The following ADK variants were observed in gnomAD, a reference collection of about 807,000 sequenced individuals.
ADK encodes N6,N6-dimethyladenosine kinase.
ADK carries 24 observed loss-of-function variants against 44.7 expected under a neutral mutation model. The observed-to-expected ratio is 0.54, with a 90% CI of 0.39 to 0.76. The LOEUF is 0.76. Among genes scored for constraint, ADK ranks in the 30% least tolerant of loss-of-function variants. The pLI is 0.00. For synonymous variants in ADK, 128 were observed against 142.6 expected, an observed-to-expected ratio of 0.90 and a Z score of 0.73; for missense variants, 321 against 425.1, an observed-to-expected ratio of 0.76 and a Z score of 2.15.
chr10:74,340,500 G>A (rs1272156975), intron 4 of ADK, among the ~76,000 whole-genome samples: 2 of 152,066 alleles, frequency 1.3e-5, no homozygotes, highest in Non-Finnish European at 2.9e-5. Context: ...TAAGCAAGTA[G>A]AAATTAAAAT....
intron 3 of ADK, among the ~76,000 whole-genome samples, chr10:74,265,711 C>G (rs1402893468): frequency 6.6e-6 from 1 of 152,092 alleles, no homozygotes; most frequent in Non-Finnish European, 1.5e-5. Flanking sequence ...CATTTGTTTT[C>G]TTTTGAGATA....
At chr10:74,623,471 G>C (rs577367084) in intron 9 of ADK, among the ~76,000 whole-genome samples, 1 of 151,980 alleles carries the variant, frequency 6.6e-6, no homozygotes, top group African/African-American at 2.4e-5. Flanking sequence ...GTCCATATAT[G>C]ATCTAGTCCG....
intron 3 of ADK, among the ~76,000 whole-genome samples, chr10:74,309,512 A>T (rs1840365054): frequency 6.6e-6 from 1 of 152,200 alleles, no homozygotes; most frequent in African/African-American, 2.4e-5. Context: ...CTGTACCTTC[A>T]GAATTGCTAG....
At chr10:74,184,453 C>T (rs966528193) in intron 1 of ADK, among the ~76,000 whole-genome samples, 10 of 151,972 alleles carry the variant, frequency 6.6e-5, no homozygotes, top group Non-Finnish European at 1.3e-4. Context: ...CCTCAGCCCT[C>T]CAGAGAGGCT....
At position 74,228,328 on chromosome 10, in the gene ADK, G is replaced by T. The variant is rs140504307; in HGVS notation, c.194+3737G>T. 5.2e-3 allele frequency among the ~76,000 whole-genome samples: 786 copies of T among 152,282 alleles called. 24 individuals carry two copies. The highest frequency in any genetic ancestry group is 1.1e-3 in the Non-Finnish European group (75 of 68,012). On this transcript the variant is annotated intron_variant, in intron 3 of 10. Transcript: ENST00000539909. ...TGGGGGATGATTTTAAGTAGAGAAA[G>T]CTGAGCAATTCAAGTTGTGATGTGA...
intron 4 of ADK, among the ~76,000 whole-genome samples, chr10:74,386,484 T>C (rs1359090241): frequency 1.3e-5 from 2 of 152,214 alleles, no homozygotes; most frequent in East Asian, 1.9e-4. Context: ...TCTTTCCATA[T>C]GTTGTTAAAG....
chr10:74,605,778 C>T (rs1852303383), intron 9 of ADK, among the ~76,000 whole-genome samples: 1 of 152,070 alleles, frequency 6.6e-6, no homozygotes, highest in African/African-American at 2.4e-5. Context: ...GAGAGGAGTC[C>T]CTCTTTTTCT....
intron 2 of ADK, among the ~76,000 whole-genome samples, chr10:74,211,599 T>G (rs1843814028): frequency 6.6e-6 from 1 of 152,172 alleles, no homozygotes; most frequent in Non-Finnish European, 1.5e-5. Context: ...CTGGGGTCAG[T>G]ATCTTTGCAG....
intron 6 of ADK, among the ~76,000 whole-genome samples, chr10:74,484,846 A>G (rs1847209073): frequency 6.7e-6 from 1 of 148,176 alleles, no homozygotes; most frequent in Non-Finnish European, 1.5e-5. Context: ...TTCATAACAA[A>G]AAAGTGAAAT....
At chr10:74,203,633 C>T (rs1011012152) in intron 2 of ADK, among the ~76,000 whole-genome samples, 1 of 152,058 alleles carries the variant, frequency 6.6e-6, no homozygotes, top group Admixed American at 6.6e-5. Flanking sequence ...CCTTGGCCTC[C>T]CAAAGTGCTG....
At chr10:74,217,556 C>T (rs1186356971) in intron 2 of ADK, among the ~76,000 whole-genome samples, 5 of 152,202 alleles carry the variant, frequency 3.3e-5, no homozygotes, top group Admixed American at 2.6e-4. Flanking sequence ...TGAGAACGGG[C>T]AGACTGCCTC....
Position 74,680,608 on chromosome 10 carries a change from T to C in ADK, c.964+10339T>C, listed in dbSNP as rs1438109162. Reference sequence around the variant, plus strand: ...AAATAAAATCACATGTGTGTAGCACTGATGCAGAGCCTAGCCAACCTTAGT... The same window carrying C: ...AAATAAAATCACATGTGTGTAGCACCGATGCAGAGCCTAGCCAACCTTAGT... On this transcript the variant is annotated intron_variant, in intron 10 of 10. Coordinates refer to ENST00000539909, the MANE Select transcript of ADK (RefSeq NM_006721.4). 2.0e-5 allele frequency among the ~76,000 whole-genome samples: 3 copies of C among 152,216 alleles called. No homozygotes were observed. In the East Asian group the frequency reaches 5.8e-4, roughly 29 times the overall value.
chr10:74,439,187 T>A (rs1359135340), intron 6 of ADK, among the ~76,000 whole-genome samples: 1 of 152,234 alleles, frequency 6.6e-6, no homozygotes, highest in East Asian at 1.9e-4. Context: ...CTGTCTGATA[T>A]ATGACCAGAA....
At chr10:74,277,327 C>A (rs778128483) in intron 3 of ADK, among the ~76,000 whole-genome samples, 2 of 152,096 alleles carry the variant, frequency 1.3e-5, no homozygotes, top group African/African-American at 2.4e-5. Context: ...TTTTGTGTGA[C>A]CTGGACTGTG....
chr10:74,314,830 G>A, intron 4 of ADK, 85 bp downstream of exon 4: 1 of 1,013,726 alleles, frequency 9.9e-7, no homozygotes, highest in Non-Finnish European at 1.5e-6. Context: ...CTTTTATATT[G>A]TGTTGCTGTA....
intron 9 of ADK, among the ~76,000 whole-genome samples, chr10:74,647,658 G>A (rs917145592): frequency 3.3e-5 from 5 of 152,034 alleles, no homozygotes; most frequent in African/African-American, 7.2e-5. Flanking sequence ...GTATGCAAAC[G>A]TTATTCAGAA....
intron 1 of ADK, among the ~76,000 whole-genome samples, chr10:74,193,711 G>A (rs1290769332): frequency 6.6e-6 from 1 of 152,062 alleles, no homozygotes; most frequent in Non-Finnish European, 1.5e-5. Context: ...TGAGCCTGCA[G>A]TGAGCTGTGA....
intron 10 of ADK, among the ~76,000 whole-genome samples, chr10:74,686,119 G>A (rs1331720446): frequency 6.6e-6 from 1 of 151,888 alleles, no homozygotes; most frequent in Non-Finnish European, 1.5e-5. Flanking sequence ...CCACCACCAC[G>A]CCTGGCTAAT....
chr10:74,169,483 G>C (rs1358725650), intron 1 of ADK, among the ~76,000 whole-genome samples: 1 of 152,196 alleles, frequency 6.6e-6, no homozygotes, highest in Non-Finnish European at 1.5e-5. Flanking sequence ...AAGAAGTACT[G>C]TGTGGGTGTG....
Sources: allele counts gnomAD v4.1 joint callset (sites outside exome capture counted in the v4.1 genomes callset), GRCh38; gene constraint gnomAD v4.1.1; transcripts MANE v1.5; gene names NCBI Gene and HGNC (gene_info 2026-07-23, HGNC 2026-07-21).